The following NPAT variants were observed in gnomAD, a reference collection of about 807,000 sequenced individuals.
The protein encoded by NPAT is nuclear protein, coactivator of histone transcription.
A neutral mutation model predicts 130.7 loss-of-function variants in NPAT; 52 were observed. The observed-to-expected ratio is 0.40, with a 90% CI of 0.32 to 0.50. The LOEUF (loss-of-function observed/expected upper bound fraction) is 0.50. Ranked by LOEUF, NPAT falls within the 20% of genes least tolerant of loss-of-function variation. NPAT has a pLI of 0.68. For synonymous variants in NPAT, 580 were observed against 584.8 expected (o/e 0.99, Z 0.12); for missense variants, 1,687 against 1,662.6 (o/e 1.01, Z -0.26).
rs749442684 is a variant in NPAT at position 108,161,669 on chromosome 11, G to C, written c.3417C>G (p.Thr1139=). The C allele has an allele frequency of 6.2e-7, 1 of 1,613,950 alleles. No individual in the cohort carries two copies. The highest frequency in any genetic ancestry group is 8.5e-7 in the Non-Finnish European group (1 of 1,180,036). The change falls in exon 17 of 18, where the codon ACC becomes ACG. Residue 1139 remains threonine, a synonymous_variant. Coordinates refer to ENST00000278612, the MANE Select transcript of NPAT (RefSeq NM_002519.3). ...TTTCTGATTGAGTTTCTCTTATGGT[G>C]GTATGCCGGCTAATGGCACTTTCCG... ...SKSESAISRH[T]TIRETQSEKK...
chr11:108,205,273 CTTTTT>C (rs944736900), intron 1 of NPAT, among the ~76,000 whole-genome samples: 6 of 152,132 alleles, frequency 3.9e-5, no homozygotes, highest in African/African-American at 7.2e-5. Flanking sequence ...ATTTTCTTTT[CTTTTT>C]GAGACAGCGT....
intron 1 of NPAT, chr11:108,208,475 C>A: frequency 2.2e-6 from 1 of 455,736 alleles, no homozygotes; most frequent in Non-Finnish European, 4.4e-6. Flanking sequence ...GTAGTTCCAG[C>A]TGCTCTGGAG....
At chr11:108,207,050 G>A (rs2078333099) in intron 1 of NPAT, among the ~76,000 whole-genome samples, 1 of 152,136 alleles carries the variant, frequency 6.6e-6, no homozygotes, top group South Asian at 2.1e-4. Flanking sequence ...ATCCTGACGA[G>A]TGTCCAACTC....
intron 1 of NPAT, among the ~76,000 whole-genome samples, chr11:108,200,894 C>A (rs1430946538): frequency 6.6e-6 from 1 of 152,174 alleles, no homozygotes. Flanking sequence ...TTTCTGCATA[C>A]CATTACACCC....
At chr11:108,181,738 A>T (rs77303448) in intron 10 of NPAT, among the ~76,000 whole-genome samples, 1 of 130,182 alleles carries the variant, frequency 7.7e-6, no homozygotes, top group Non-Finnish European at 1.6e-5. Context: ...AGGTCATAAT[A>T]AAAAAAAAAA....
chr11:108,205,673 G>C (rs1395157678), intron 1 of NPAT, among the ~76,000 whole-genome samples: 1 of 152,164 alleles, frequency 6.6e-6, no homozygotes, highest in African/African-American at 2.4e-5. Context: ...GATTTTCCCT[G>C]TAAGAAATAC....
At chr11:108,164,078 G>A (rs1476348722) in intron 15 of NPAT, among the ~76,000 whole-genome samples, 2 of 152,216 alleles carry the variant, frequency 1.3e-5, no homozygotes, top group Admixed American at 6.5e-5. Context: ...TTTGGAAGCA[G>A]AATAGGTTAT....
intron 15 of NPAT, among the ~76,000 whole-genome samples, chr11:108,166,731 T>A (rs2077906058): frequency 6.6e-6 from 1 of 152,224 alleles, no homozygotes; most frequent in African/African-American, 2.4e-5. Context: ...GAGTCTGTCC[T>A]CTGCTCTTCT....
chr11:108,204,758 T>A lies in NPAT; in HGVS notation c.38-7338A>T, dbSNP rs775778527. On this transcript the variant is annotated intron_variant, in intron 1 of 17. Coordinates refer to ENST00000278612, the MANE Select transcript of NPAT (RefSeq NM_002519.3). Reference sequence around the variant, plus strand: ...TGAGCTGAAACACATCCCCCTATCATTCGCTGCCTTGTGGATGGCACGAAG... The same window carrying A: ...TGAGCTGAAACACATCCCCCTATCAATCGCTGCCTTGTGGATGGCACGAAG... 1.8e-4 allele frequency among the ~76,000 whole-genome samples: 27 copies of A among 152,304 alleles called. No homozygotes were observed. The South Asian group carries it at 2.5e-3, about 14-fold the overall frequency.
intron 7 of NPAT, among the ~76,000 whole-genome samples, chr11:108,187,290 A>G (rs952223009): frequency 2.0e-5 from 3 of 152,172 alleles, no homozygotes; most frequent in East Asian, 1.9e-4. Flanking sequence ...CATCTCTACA[A>G]AAAATAAAAA....
At chr11:108,222,441 A>G in intron 1 of NPAT, 59 bp downstream of exon 1, 1 of 1,589,734 alleles carries the variant, frequency 6.3e-7, no homozygotes, top group African/African-American at 1.3e-5. Flanking sequence ...TTGGCCTCAA[A>G]GGTCCTTCTG....
At chr11:108,216,397 A>G (rs1346033313) in intron 1 of NPAT, among the ~76,000 whole-genome samples, 2 of 152,192 alleles carry the variant, frequency 1.3e-5, no homozygotes, top group African/African-American at 4.8e-5. Flanking sequence ...GCAGGGAGGA[A>G]TGAAGAAAAT....
intron 15 of NPAT, among the ~76,000 whole-genome samples, chr11:108,168,683 C>T (rs1340977999): frequency 1.3e-5 from 2 of 152,002 alleles, no homozygotes; most frequent in Non-Finnish European, 2.9e-5. Flanking sequence ...AAAATGCTTC[C>T]TAGGAACATT....
At chr11:108,187,138 T>C (rs2078115165) in intron 7 of NPAT, among the ~76,000 whole-genome samples, 1 of 152,192 alleles carries the variant, frequency 6.6e-6, no homozygotes, top group Non-Finnish European at 1.5e-5. Context: ...AGGGTTCCTA[T>C]AAATGTTAAA....
chr11:108,169,575 A>G (rs1190279314), intron 15 of NPAT, among the ~76,000 whole-genome samples, 169 bp downstream of exon 15: 2 of 152,198 alleles, frequency 1.3e-5, no homozygotes, highest in African/African-American at 4.8e-5. Context: ...CTCAGAACCA[A>G]AGCTGTTCAG....
In NPAT at chr11:108,190,488, A is replaced by T. The variant is rs1194138756; in HGVS notation, c.303T>A (p.Ser101Arg). The change falls in exon 5 of 18, where the codon AGT becomes AGA. Residue 101 changes from serine (S) to arginine (R), a missense_variant. By Grantham distance (110) the Ser-to-Arg change is moderately radical. Transcript: ENST00000278612. Reference sequence around the variant, plus strand: ...TCTGACTGCCAGCAAACCTTGGGGAACTTTGCATGCTCCTAACAAAGAAAA... The same window carrying T: ...TCTGACTGCCAGCAAACCTTGGGGATCTTTGCATGCTCCTAACAAAGAAAA... ...HTLSQIRSMQ[S>R]SPRFAGSQRA... The T allele has an allele frequency of 6.2e-7, 1 of 1,613,814 alleles. No homozygotes were observed. The highest frequency in any genetic ancestry group is 8.5e-7 in the Non-Finnish European group (1 of 1,179,812).
At chr11:108,193,744 A>C (rs2078193432) in intron 3 of NPAT, among the ~76,000 whole-genome samples, 1 of 152,070 alleles carries the variant, frequency 6.6e-6, no homozygotes, top group African/African-American at 2.4e-5. Flanking sequence ...CCAAAAAAAC[A>C]AAAAACAACA....
intron 1 of NPAT, among the ~76,000 whole-genome samples, chr11:108,205,006 C>T (rs2078312020): frequency 6.6e-6 from 1 of 152,134 alleles, no homozygotes; most frequent in Non-Finnish European, 1.5e-5. Flanking sequence ...GAAGGTAGCT[C>T]AACAGTCTCT....
Position 108,177,107 on chromosome 11 carries a change from G to C in NPAT, c.907-17C>G. The C allele has an allele frequency of 7.3e-7, 1 of 1,375,874 alleles. No individual in the cohort carries two copies. The highest frequency in any genetic ancestry group is 1.0e-6 in the Non-Finnish European group (1 of 964,334). 85.2% of individuals were successfully genotyped at this position (1,375,874 alleles called of 1,614,324 possible). A position where few individuals can be genotyped will look rare whatever the true frequency, so the allele number is the denominator to read the frequency against. On this transcript the variant is annotated splice_polypyrimidine_tract_variant and intron_variant, in intron 10 of 17. Coordinates refer to ENST00000278612, the MANE Select transcript of NPAT (RefSeq NM_002519.3). ...AATTTCACTCTGCAAGAAAGGAGTG[G>C]CGTGAAGGCATGATTCTAACTGAAT...
Sources: gnomAD v4.1 joint callset for allele counts (sites outside exome capture counted in the v4.1 genomes callset) on GRCh38, gnomAD v4.1.1 for gene constraint, MANE v1.5 for transcripts, NCBI Gene and HGNC (gene_info 2026-07-23, HGNC 2026-07-21) for gene names.